SEC14L1: variants seen among roughly 807,000 people sequenced by gnomAD.
SEC14L1 encodes the protein SEC14 like lipid binding 1.
Under a neutral mutation model 85.3 loss-of-function variants are expected in SEC14L1, and 48 were observed. The observed-to-expected ratio is 0.56, with a 90% confidence interval of 0.45 to 0.72. The LOEUF (loss-of-function observed/expected upper bound fraction) is 0.72. Ranked by LOEUF, SEC14L1 falls within the 30% of genes least tolerant of loss-of-function variation. The probability of loss-of-function intolerance (pLI) is 0.00; values close to 1 mark genes in which losing one functional copy is unlikely to be tolerated. For missense variants in SEC14L1, 682 were observed against 921.4 expected, an observed-to-expected ratio of 0.74 and a Z score of 3.36; for synonymous variants, 391 against 355.5, an observed-to-expected ratio of 1.10 and a Z score of -1.12.
chr17:77,096,823 TTTTTGTTTTG>T (rs1304185936), intron 3 of SEC14L1, among the ~76,000 whole-genome samples: 2 of 152,144 alleles, frequency 1.3e-5, no homozygotes, highest in East Asian at 3.8e-4. Context: ...TTTTGGGGTT[TTTTTGTTTTG>T]TTTTGATTTG....
chr17:77,098,778 T>C (rs1971704026), intron 3 of SEC14L1, among the ~76,000 whole-genome samples: 1 of 152,188 alleles, frequency 6.6e-6, no homozygotes, highest in Non-Finnish European at 1.5e-5. Flanking sequence ...TGGAATTGTT[T>C]CCTTCCCTGT....
Position 77,158,177 on chromosome 17 carries a change from C to T in SEC14L1, c.63+14518C>T, listed in dbSNP as rs1443979022. 2.6e-5 allele frequency among the ~76,000 whole-genome samples: 4 copies of T among 152,334 alleles called. No individual in the cohort carries two copies. The South Asian group carries it at 6.2e-4, about 24-fold the overall frequency. ...TGCTGGGATTACAGGCGTGAGCCATCGTGCCCGGCCTGTAACCACTTTTAA... is the reference window on the plus strand; with the variant it reads ...TGCTGGGATTACAGGCGTGAGCCATTGTGCCCGGCCTGTAACCACTTTTAA... On this transcript the variant is annotated intron_variant, in intron 3 of 16. Coordinates refer to ENST00000436233, the MANE Select transcript of SEC14L1 (RefSeq NM_001143998.2).
intron 3 of SEC14L1, among the ~76,000 whole-genome samples, chr17:77,125,968 A>G (rs1433344509): frequency 1.3e-5 from 2 of 152,224 alleles, no homozygotes; most frequent in African/African-American, 4.8e-5. Context: ...CCTGGCCAAC[A>G]TGGCAAAACC....
At chr17:77,116,520 T>C (rs1972175266) in intron 3 of SEC14L1, among the ~76,000 whole-genome samples, 1 of 152,088 alleles carries the variant, frequency 6.6e-6, no homozygotes, top group South Asian at 2.1e-4. Flanking sequence ...AGTAAAGTTC[T>C]GGAGTGGGAA....
At chr17:77,159,621 T>C (rs1973970106) in intron 3 of SEC14L1, among the ~76,000 whole-genome samples, 1 of 148,154 alleles carries the variant, frequency 6.7e-6, no homozygotes, top group African/African-American at 2.5e-5. Context: ...CCTCATGATC[T>C]GCCTGCCTCG....
At chr17:77,202,385 G>A (rs1260370191) in intron 9 of SEC14L1, among the ~76,000 whole-genome samples, 5 of 152,154 alleles carry the variant, frequency 3.3e-5, no homozygotes, top group Admixed American at 6.5e-5. Context: ...TTGGGAGGCT[G>A]AAGCGGGTGG....
intron 9 of SEC14L1, among the ~76,000 whole-genome samples, chr17:77,201,452 CTTTTT>C (rs540189374): frequency 7.2e-6 from 1 of 138,426 alleles, no homozygotes. Context: ...ACAAATGTGT[CTTTTT>C]TTTTTTTTTT....
intron 3 of SEC14L1, among the ~76,000 whole-genome samples, chr17:77,132,196 T>G (rs900616521): frequency 2.0e-5 from 3 of 152,146 alleles, no homozygotes; most frequent in Admixed American, 1.3e-4. Flanking sequence ...AAGTGGTCTC[T>G]TCCTTTATTA....
intron 9 of SEC14L1, among the ~76,000 whole-genome samples, chr17:77,202,911 T>A (rs1190101144): frequency 3.5e-5 from 5 of 144,256 alleles, no homozygotes; most frequent in South Asian, 2.2e-4. Flanking sequence ...AGGGAGAGAC[T>A]CTCTCTCTAA....
At chr17:77,107,218 C>G (rs1028652574) in intron 3 of SEC14L1, among the ~76,000 whole-genome samples, 2 of 152,162 alleles carry the variant, frequency 1.3e-5, no homozygotes, top group African/African-American at 4.8e-5. Context: ...GACCACTTAG[C>G]CCACGCCAGG....
chr17:77,170,039 A>G (rs947601687), intron 3 of SEC14L1, among the ~76,000 whole-genome samples: 4 of 152,110 alleles, frequency 2.6e-5, no homozygotes, highest in Non-Finnish European at 5.9e-5. Context: ...AGGCAGTTTT[A>G]TTTATCCTGG....
In SEC14L1 at chr17:77,216,771, G is replaced by T; in HGVS notation, c.*2748G>T. 1.2e-6 allele frequency: 1 copy of T among 835,554 alleles called. No individual in the cohort carries two copies. The highest frequency in any genetic ancestry group is 1.8e-6 in the Non-Finnish European group (1 of 550,002). 51.8% of individuals were successfully genotyped at this position (835,554 alleles called of 1,614,324 possible). ...ACATGACCGCACAAATGCTTACAGG[G>T]TTTCCTCCCGAGTAATCCAATCTCA... is the stretch of plus-strand genomic sequence containing the variant. On this transcript the variant is annotated 3_prime_UTR_variant, in exon 17 of 17. Coordinates refer to ENST00000436233, the MANE Select transcript of SEC14L1 (RefSeq NM_001143998.2).
intron 3 of SEC14L1, among the ~76,000 whole-genome samples, chr17:77,112,657 G>T (rs909443679): frequency 6.6e-6 from 1 of 152,072 alleles, no homozygotes; most frequent in East Asian, 1.9e-4. Flanking sequence ...AGGCCGAGGT[G>T]GGTGGATCAC....
rs1266511049 is a variant in SEC14L1, at chr17:77,143,575, G to A, written c.-22G>A. The A allele has an allele frequency of 1.2e-6, 2 of 1,606,406 alleles. No individual in the cohort carries two copies. The highest frequency in any genetic ancestry group is 1.7e-6 in the Non-Finnish European group (2 of 1,173,792). On this transcript the variant is annotated 5_prime_UTR_variant, in exon 3 of 17. Coordinates refer to ENST00000436233, the MANE Select transcript of SEC14L1 (RefSeq NM_001143998.2). ...ATATTTATGTTTTGCAGGTGTGAGA[G>A]GGTTGCTGTTGTATTGCAATCATGG... is the stretch of plus-strand genomic sequence containing the variant.
At chr17:77,105,049 AT>A (rs1216714103) in intron 3 of SEC14L1, among the ~76,000 whole-genome samples, 1 of 152,034 alleles carries the variant, frequency 6.6e-6, no homozygotes, top group East Asian at 1.9e-4. Context: ...CAGGTCACAG[AT>A]TGGTGAGACG....
intron 3 of SEC14L1, among the ~76,000 whole-genome samples, chr17:77,186,426 C>T (rs1480219235): frequency 2.6e-5 from 4 of 152,266 alleles, no homozygotes; most frequent in Admixed American, 2.0e-4. Context: ...GCTTTCCCCA[C>T]GCTGCCTCTC....
chr17:77,192,526 T>C (rs1388269135), intron 5 of SEC14L1, among the ~76,000 whole-genome samples: 2 of 152,180 alleles, frequency 1.3e-5, no homozygotes, highest in African/African-American at 4.8e-5. Context: ...GGGCTTTGGC[T>C]CCAAGGTGCT....
chr17:77,177,757 T>G (rs533823564), intron 3 of SEC14L1, among the ~76,000 whole-genome samples: 2 of 152,322 alleles, frequency 1.3e-5, no homozygotes, highest in South Asian at 2.1e-4. Context: ...CATAATTTTT[T>G]GTTTTTATTC....
At position 77,215,460 on chromosome 17, in the gene SEC14L1, T is replaced by A; in HGVS notation, c.*1437T>A. On this transcript the variant is annotated 3_prime_UTR_variant, in exon 17 of 17. Coordinates refer to ENST00000436233, the MANE Select transcript of SEC14L1 (RefSeq NM_001143998.2). ...CCTGGTTGTGCCGTCTCAGCTCCGC[T>A]CTGAAGGCACTGTGTGGGTGCTGCG... is the stretch of plus-strand genomic sequence containing the variant. 1 of 985,608 alleles carries A rather than the reference T, an allele frequency of 1.0e-6. No individual in the cohort carries two copies. The highest frequency in any genetic ancestry group is 1.2e-6 in the Non-Finnish European group (1 of 830,076). 61.1% of individuals were successfully genotyped at this position (985,608 alleles called of 1,614,324 possible).
Sources: allele counts gnomAD v4.1 joint callset (sites outside exome capture counted in the v4.1 genomes callset), GRCh38; gene constraint gnomAD v4.1.1; transcripts MANE v1.5; gene names NCBI Gene and HGNC (gene_info 2026-07-23, HGNC 2026-07-21).